Variants in SLC16A2 observed in about 807,000 individuals in gnomAD.
SLC16A2 encodes monocarboxylate transporter 8.
A neutral mutation model predicts 27.2 loss-of-function variants in SLC16A2; 3 were observed. The observed-to-expected ratio is 0.11, with a 90% CI of 0.05 to 0.28. SLC16A2 has a LOEUF of 0.28. Among genes scored for constraint, SLC16A2 ranks in the 10% least tolerant of loss-of-function variants. The pLI is 1.00. For synonymous variants in SLC16A2, 202 were observed against 187.8 expected (o/e 1.08, Z -0.62); for missense variants, 295 against 458.5 (o/e 0.64, Z 3.26).
chrX:74,441,849 T>C (rs1465622490), intron 1 of SLC16A2, among the ~76,000 whole-genome samples: 1 of 111,472 alleles, frequency 9.0e-6, no homozygotes, highest in Non-Finnish European at 1.9e-5. Flanking sequence ...GTCTCTGACC[T>C]TCCTGTACCT....
At chrX:74,435,761 A>G (rs1928622887) in intron 1 of SLC16A2, among the ~76,000 whole-genome samples, 1 of 108,949 alleles carries the variant, frequency 9.2e-6, no homozygotes, top group African/African-American at 3.3e-5. Flanking sequence ...GGCTCATGAA[A>G]GGAAGGATCT....
chrX:74,441,148 C>G (rs1928740798), intron 1 of SLC16A2, among the ~76,000 whole-genome samples: 1 of 110,587 alleles, frequency 9.0e-6, no homozygotes, highest in South Asian at 3.9e-4. Context: ...AGCTCCGCCT[C>G]CCCGGTTCAC....
At chrX:74,520,915 G>A (rs1930395685) in intron 1 of SLC16A2, 75 bp from the exon 2 acceptor site, 1 of 1,120,194 alleles carries the variant, frequency 8.9e-7, no homozygotes, top group Non-Finnish European at 1.2e-6. Flanking sequence ...GGCCAGAGAA[G>A]AAGAGCTGAG....
chrX:74,494,995 C>T (rs1929908049), intron 1 of SLC16A2, among the ~76,000 whole-genome samples: 1 of 111,617 alleles, frequency 9.0e-6, no homozygotes, highest in African/African-American at 3.3e-5. Context: ...CTGTCAAAAC[C>T]AGTGCAAGCC....
rs56012960 is a variant in SLC16A2 at position 74,463,816 on chromosome X, C to T, written c.430+41749C>T. Among the ~76,000 whole-genome samples, 479 of 112,347 alleles carry T rather than the reference C, an allele frequency of 4.3e-3. 5 individuals carry two copies. Among genetic ancestry groups the T allele is most frequent in the African/African-American group, 0.015 (449 of 30,948 alleles). On this transcript the variant is annotated intron_variant, in intron 1 of 5. Transcript: ENST00000587091. ...TGCTGGGATTACAGGCGTGAGCCAC[C>T]GTGCCCGGCCTATTTGGTCAATTTT...
chrX:74,518,777 C>T (rs942640869), intron 1 of SLC16A2, among the ~76,000 whole-genome samples: 8 of 110,547 alleles, frequency 7.2e-5, no homozygotes, highest in Non-Finnish European at 1.5e-4. Context: ...ATTCTTTTGC[C>T]CATATTTTAA....
chrX:74,435,560 T>A (rs1156943091), intron 1 of SLC16A2, among the ~76,000 whole-genome samples: 56 of 102,226 alleles, frequency 5.5e-4, no homozygotes, highest in African/African-American at 1.9e-3. Context: ...TATATTTTTT[T>A]TTTTTTTAGT....
At chrX:74,502,868 G>T (rs1423494897) in intron 1 of SLC16A2, among the ~76,000 whole-genome samples, 1 of 110,523 alleles carries the variant, frequency 9.0e-6, no homozygotes, top group Non-Finnish European at 1.9e-5. Flanking sequence ...AGTCAAGCAT[G>T]GTCCACGGGC....
intron 1 of SLC16A2, among the ~76,000 whole-genome samples, chrX:74,476,689 G>T (rs780567538): frequency 6.3e-5 from 7 of 111,924 alleles, no homozygotes; most frequent in African/African-American, 2.3e-4. Flanking sequence ...TAGCATGAAG[G>T]GCTGTTGAAT....
At chrX:74,481,680 T>A (rs1444846171) in intron 1 of SLC16A2, among the ~76,000 whole-genome samples, 1 of 108,443 alleles carries the variant, frequency 9.2e-6, no homozygotes, top group African/African-American at 3.3e-5. Flanking sequence ...GATTTTCTCC[T>A]TTGTTTTTTA....
At chrX:74,475,117 T>G (rs1282530637) in intron 1 of SLC16A2, among the ~76,000 whole-genome samples, 3 of 108,766 alleles carry the variant, frequency 2.8e-5, no homozygotes, top group African/African-American at 1.0e-4. Context: ...GTGTTCCTAT[T>G]TCTCCACATC....
chrX:74,427,834 CA>C (rs1368453844), intron 1 of SLC16A2, among the ~76,000 whole-genome samples: 6 of 110,105 alleles, frequency 5.4e-5, no homozygotes, highest in African/African-American at 1.3e-4. Context: ...CACACACACA[CA>C]CACACACCCA....
chrX:74,442,143 G>A (rs1355565304), intron 1 of SLC16A2, among the ~76,000 whole-genome samples: 2 of 104,749 alleles, frequency 1.9e-5, no homozygotes, highest in Non-Finnish European at 3.9e-5. Context: ...CAGGAGAATC[G>A]CTTGAACCCA....
At chrX:74,517,831 A>G (rs1376052184) in intron 1 of SLC16A2, among the ~76,000 whole-genome samples, 4 of 111,462 alleles carry the variant, frequency 3.6e-5, no homozygotes, top group Non-Finnish European at 7.5e-5. Context: ...CCACCTACTG[A>G]TTTGTTTTCC....
intron 1 of SLC16A2, among the ~76,000 whole-genome samples, chrX:74,494,920 G>A (rs747050515): frequency 3.6e-5 from 4 of 111,047 alleles, no homozygotes; most frequent in African/African-American, 1.3e-4. Flanking sequence ...CTTTAGGAAG[G>A]GGGCAGTAAA....
intron 1 of SLC16A2, among the ~76,000 whole-genome samples, chrX:74,468,373 C>A (rs760320333): frequency 1.8e-5 from 2 of 111,987 alleles, no homozygotes; most frequent in Non-Finnish European, 3.8e-5. Flanking sequence ...AATATATGGT[C>A]TTTTGACTGG....
At chrX:74,524,257 G>C (rs1379509127) in intron 2 of SLC16A2, 102 bp from the exon 3 acceptor site, 12 of 862,297 alleles carry the variant, frequency 1.4e-5, no homozygotes, top group African/African-American at 2.0e-5. Context: ...GTGGGGCTGT[G>C]GGTTAAGGGC....
chrX:74,531,334 C>G lies in SLC16A2; in HGVS notation c.1401C>G (p.Gly467=). ...ACTTGTCTCTCTTGACTGTTTCAGGCCTACTCCGCAACTGTTTTGGGGACT... is the reference window on the plus strand; with the variant it reads ...ACTTGTCTCTCTTGACTGTTTCAGGGCTACTCCGCAACTGTTTTGGGGACT... The part of the protein sequence containing the change: ...LPMIAGPPIA[G]LLRNCFGDYH... The change falls in exon 6 of 6, where the codon GGC becomes GGG. Residue 467 remains glycine (G), a splice_region_variant and synonymous_variant. Transcript: ENST00000587091. 8.3e-7 allele frequency: 1 copy of G among 1,208,691 alleles called. No homozygotes were observed. The highest frequency in any genetic ancestry group is 1.1e-6 in the Non-Finnish European group (1 of 892,532).
intron 4 of SLC16A2, 138 bp from the exon 5 acceptor site, chrX:74,529,075 T>C (rs1602143289): frequency 2.1e-6 from 1 of 472,289 alleles, no homozygotes; most frequent in African/African-American, 2.4e-5. Flanking sequence ...TCAGCCCAAC[T>C]GCTCTCTCTG....
Sources: allele counts gnomAD v4.1 joint callset (sites outside exome capture counted in the v4.1 genomes callset), GRCh38; gene constraint gnomAD v4.1.1; transcripts MANE v1.5; gene names NCBI Gene and HGNC (gene_info 2026-07-23, HGNC 2026-07-21).